The following MEI4 variants were observed in gnomAD, a reference collection of about 807,000 sequenced individuals.
MEI4 encodes meiosis-specific protein MEI4.
Under a neutral mutation model 31.4 loss-of-function variants are expected in MEI4, and 27 were observed. The observed-to-expected ratio is 0.86, with a 90% CI of 0.63 to 1.19. The LOEUF is 1.19. Ranked by LOEUF, MEI4 falls within the 50% of genes most tolerant of loss-of-function variation. MEI4 has a pLI of 0.00. For missense variants in MEI4, 329 were observed against 398.9 expected (o/e 0.82, Z 1.49); for synonymous variants, 122 against 145.4 (o/e 0.84, Z 1.16).
At chr6:77,831,564 A>C (rs910731763) in intron 4 of MEI4, among the ~76,000 whole-genome samples, 1 of 151,552 alleles carries the variant, frequency 6.6e-6, no homozygotes, top group African/African-American at 2.4e-5. Flanking sequence ...ATATAATGGA[A>C]TATTATTAAA....
intron 2 of MEI4, among the ~76,000 whole-genome samples, chr6:77,735,656 G>A (rs1466398571): frequency 6.6e-6 from 1 of 152,104 alleles, no homozygotes; most frequent in Non-Finnish European, 1.5e-5. Flanking sequence ...TCTCTGTCCA[G>A]CTTTGTTCCA....
At chr6:77,817,995 A>G (rs1340424826) in intron 3 of MEI4, among the ~76,000 whole-genome samples, 2 of 152,170 alleles carry the variant, frequency 1.3e-5, no homozygotes, top group African/African-American at 4.8e-5. Flanking sequence ...TACTGCAGAG[A>G]TTTTAGCCAG....
chr6:77,709,164 A>G (rs1234150850), intron 2 of MEI4, among the ~76,000 whole-genome samples: 2 of 152,224 alleles, frequency 1.3e-5, no homozygotes, highest in Non-Finnish European at 2.9e-5. Flanking sequence ...TCTTTAATAC[A>G]TTCAGACTAT....
chr6:77,740,820 AT>A (rs1400640411), intron 2 of MEI4, among the ~76,000 whole-genome samples: 5 of 151,788 alleles, frequency 3.3e-5, no homozygotes, highest in South Asian at 2.1e-4. Context: ...TTTGAAAAAA[AT>A]ATATATATAA....
intron 3 of MEI4, among the ~76,000 whole-genome samples, chr6:77,805,367 T>A (rs2127702667): frequency 6.6e-6 from 1 of 152,278 alleles, no homozygotes; most frequent in Admixed American, 6.5e-5. Flanking sequence ...AGCCTCCCAC[T>A]TTTGATAATA....
chr6:77,789,193 A>C (rs1042106709), intron 3 of MEI4, among the ~76,000 whole-genome samples: 1 of 152,116 alleles, frequency 6.6e-6, no homozygotes, highest in Admixed American at 6.6e-5. Context: ...GGGAAAACTG[A>C]CTAGCCATAT....
chr6:77,799,368 A>G (rs1364549174), intron 3 of MEI4, among the ~76,000 whole-genome samples: 1 of 151,924 alleles, frequency 6.6e-6, no homozygotes, highest in African/African-American at 2.4e-5. Context: ...AATTTGTTTG[A>G]GTTCATTGTA....
chr6:77,817,074 A>G (rs910040441), intron 3 of MEI4, among the ~76,000 whole-genome samples: 1 of 151,624 alleles, frequency 6.6e-6, no homozygotes, highest in Non-Finnish European at 1.5e-5. Flanking sequence ...AAATATTCAC[A>G]CTTGTCAGCA....
intron 4 of MEI4, among the ~76,000 whole-genome samples, chr6:77,868,089 G>T (rs182184140): frequency 2.1e-5 from 3 of 145,872 alleles, no homozygotes; most frequent in African/African-American, 7.6e-5. Flanking sequence ...GTGGGAGGAG[G>T]GATAGCATTA....
intron 3 of MEI4, among the ~76,000 whole-genome samples, chr6:77,781,578 A>T (rs1768597847): frequency 6.6e-6 from 1 of 152,146 alleles, no homozygotes; most frequent in Admixed American, 6.5e-5. Context: ...TTTTCAAAAT[A>T]TTTTGATTCT....
chr6:77,898,738 A>T (rs986261389), intron 4 of MEI4, among the ~76,000 whole-genome samples: 4 of 152,052 alleles, frequency 2.6e-5, no homozygotes, highest in Non-Finnish European at 5.9e-5. Context: ...CCAAACTACA[A>T]GTTGAACCTC....
chr6:77,733,008 G>A (rs1268481145), intron 2 of MEI4, among the ~76,000 whole-genome samples: 1 of 151,712 alleles, frequency 6.6e-6, no homozygotes, highest in Non-Finnish European at 1.5e-5. Flanking sequence ...GCTTTTTGAT[G>A]TGCTGCTGGA....
At chr6:77,788,863 T>A (rs1768830908) in intron 3 of MEI4, among the ~76,000 whole-genome samples, 1 of 152,156 alleles carries the variant, frequency 6.6e-6, no homozygotes, top group African/African-American at 2.4e-5. Flanking sequence ...CATCCCCATC[T>A]AGCTACAAGT....
At chr6:77,840,707 C>T (rs1367114291) in intron 4 of MEI4, among the ~76,000 whole-genome samples, 1 of 152,026 alleles carries the variant, frequency 6.6e-6, no homozygotes, top group African/African-American at 2.4e-5. Context: ...GATTGGGCTT[C>T]TAGTGTACCC....
intron 2 of MEI4, among the ~76,000 whole-genome samples, chr6:77,746,536 C>A (rs1193418308): frequency 6.6e-6 from 1 of 152,102 alleles, no homozygotes; most frequent in Admixed American, 6.5e-5. Flanking sequence ...CTACAACTTA[C>A]AGTATCCTGG....
intron 1 of MEI4, among the ~76,000 whole-genome samples, chr6:77,682,222 T>C (rs1768971900): frequency 6.6e-6 from 1 of 152,228 alleles, no homozygotes; most frequent in Non-Finnish European, 1.5e-5. Flanking sequence ...TGTTGCCTTA[T>C]TACATTCATC....
intron 3 of MEI4, among the ~76,000 whole-genome samples, chr6:77,790,541 T>C (rs1768893246): frequency 6.6e-6 from 1 of 151,522 alleles, no homozygotes; most frequent in Non-Finnish European, 1.5e-5. Flanking sequence ...CCTGCACATG[T>C]ACTTCCTGAA....
intron 2 of MEI4, among the ~76,000 whole-genome samples, chr6:77,753,429 A>T: frequency 6.6e-6 from 1 of 152,316 alleles, no homozygotes; most frequent in South Asian, 2.1e-4. Context: ...CCCCATCAAA[A>T]AGTAGGTGAA....
intron 3 of MEI4, among the ~76,000 whole-genome samples, chr6:77,821,517 C>T (rs911900363): frequency 7.9e-5 from 12 of 152,108 alleles, no homozygotes; most frequent in African/African-American, 2.4e-4. Context: ...TGCTACTGGC[C>T]GGGCATGGTG....
Sources: gnomAD v4.1 joint callset for allele counts (sites outside exome capture counted in the v4.1 genomes callset) on GRCh38, gnomAD v4.1.1 for gene constraint, MANE v1.5 for transcripts, NCBI Gene and HGNC (gene_info 2026-07-23, HGNC 2026-07-21) for gene names.